The following CCDC181 variants were observed in gnomAD, a reference collection of about 807,000 sequenced individuals.
CCDC181 encodes coiled-coil domain-containing protein 181.
Under a neutral mutation model 58.7 loss-of-function variants are expected in CCDC181, and 35 were observed. The observed-to-expected ratio is 0.60, with a 90% CI of 0.46 to 0.79. The LOEUF is 0.79. CCDC181 is among the 30% of genes least tolerant of loss of function. The pLI is 0.00. For missense variants in CCDC181, 517 were observed against 583.9 expected (o/e 0.89, Z 1.18); for synonymous variants, 183 against 197.5 (o/e 0.93, Z 0.62).
In CCDC181 at chr1:169,397,388, CCTG is replaced by C; in HGVS notation, c.1216_1218del (p.Gln406del). On this transcript the variant is annotated inframe_deletion and splice_region_variant, in exon 5 of 6. Coordinates refer to ENST00000367806, the MANE Select transcript of CCDC181 (RefSeq NM_001300969.2). ...AAAGCTTGTTGTGGATCTCTGTTTT[CCTG>C]CTGATTAGAAAAACAAGCTTTACTT... is the stretch of plus-strand genomic sequence containing the variant. 22 of 1,595,670 alleles carry C rather than the reference CCTG, an allele frequency of 1.4e-5. No homozygotes were observed. The highest frequency in any genetic ancestry group is 1.8e-5 in the Non-Finnish European group (21 of 1,172,638).
At chr1:169,403,672 G>A (rs925363224) in intron 4 of CCDC181, among the ~76,000 whole-genome samples, 1 of 152,320 alleles carries the variant, frequency 6.6e-6, no homozygotes, top group South Asian at 2.1e-4. Flanking sequence ...TGTGTAGAGT[G>A]AAATTTATAG....
chr1:169,433,382 A>G (rs944559708), intron 2 of CCDC181, among the ~76,000 whole-genome samples: 3 of 152,056 alleles, frequency 2.0e-5, no homozygotes, highest in Non-Finnish European at 4.4e-5. Flanking sequence ...CAAAGTAGAT[A>G]TGCAGATTCA....
chr1:169,397,218 T>C lies in CCDC181; in HGVS notation c.1370+19A>G, dbSNP rs1471376230. 6.6e-7 allele frequency: 1 copy of C among 1,509,686 alleles called. No individual in the cohort carries two copies. The highest frequency in any genetic ancestry group is 1.4e-5 in the South Asian group (1 of 73,340). The allele number at this position is 1,509,686 out of a possible 1,614,324, so 93.5% of individuals were successfully genotyped here. ...ACATGAGGAAGGAGGAGGGGGGAAA[T>C]GCCCTGCCTTTAACTTACTGTTTAA... is the stretch of plus-strand genomic sequence containing the variant. On this transcript the variant is annotated intron_variant, in intron 5 of 5. Transcript: ENST00000367806.
chr1:169,459,674 A>G (rs1276562048), intron 2 of CCDC181: 1 of 152,126 alleles, frequency 6.6e-6, no homozygotes, highest in African/African-American at 2.4e-5. Flanking sequence ...GGTTACTTGG[A>G]TAATTTCCCA....
intron 2 of CCDC181, among the ~76,000 whole-genome samples, chr1:169,435,570 A>G (rs1221054043): frequency 1.3e-5 from 2 of 152,180 alleles, no homozygotes; most frequent in Non-Finnish European, 1.5e-5. Context: ...TTCCCCATCA[A>G]TAACATAGAG....
chr1:169,449,081 C>G (rs569490795), intron 2 of CCDC181, among the ~76,000 whole-genome samples: 5 of 152,174 alleles, frequency 3.3e-5, no homozygotes, highest in Admixed American at 1.3e-4. Flanking sequence ...TATTTTTCCA[C>G]TAGAACCCTT....
intron 4 of CCDC181, among the ~76,000 whole-genome samples, chr1:169,404,386 A>T (rs190240589): frequency 6.6e-6 from 1 of 152,340 alleles, no homozygotes; most frequent in African/African-American, 2.4e-5. Context: ...AATACCCCTG[A>T]TGAACATTGA....
At position 169,419,152 on chromosome 1, in the gene CCDC181, C is replaced by T. The variant is rs116520840; in HGVS notation, c.1076G>A (p.Arg359Gln). 4.1e-4 allele frequency: 656 copies of T among 1,593,704 alleles called. 4 individuals carry two copies. In the African/African-American group the frequency reaches 7.3e-3, roughly 18 times the overall value. The change falls in exon 4 of 6, where the codon CGA becomes CAA. Residue 359 changes from arginine (R) to glutamine (Q), a missense_variant. Physicochemically the swap from Arg to Gln is conservative, Grantham distance 43. Coordinates refer to ENST00000367806, the MANE Select transcript of CCDC181 (RefSeq NM_001300969.2). Reference sequence around the variant, plus strand: ...TTCTTTCTCTTCTTCTATTTTTCGTCGCTCTTCCTAGTAAAAGAATATGAA... The same window carrying T: ...TTCTTTCTCTTCTTCTATTTTTCGTTGCTCTTCCTAGTAAAAGAATATGAA... Reference protein sequence around the residue: ...KREKLKREEERRKIEEEKEKK... With the variant: ...KREKLKREEEQRKIEEEKEKK...
chr1:169,426,644 A>G (rs570736200), intron 1 of CCDC181, among the ~76,000 whole-genome samples: 2 of 152,218 alleles, frequency 1.3e-5, no homozygotes, highest in Non-Finnish European at 2.9e-5. Context: ...ATTGGGTCCC[A>G]TCTTACAGCG....
At chr1:169,426,266 C>A (rs1476521243) in intron 1 of CCDC181, among the ~76,000 whole-genome samples, 2 of 152,188 alleles carry the variant, frequency 1.3e-5, no homozygotes, top group Non-Finnish European at 2.9e-5. Flanking sequence ...CCCTTCAATT[C>A]TTTTAATCTT....
In CCDC181 at chr1:169,409,500, C is replaced by G. The variant is rs112208583; in HGVS notation, c.1215+9513G>C. Among the ~76,000 whole-genome samples the G allele has an allele frequency of 2.0e-3, 310 of 152,238 alleles. 2 individuals are homozygous for G. The highest frequency in any genetic ancestry group is 7.0e-3 in the African/African-American group (292 of 41,534). ...TACCCAGGAGAACTTCCCCAACCTA[C>G]CAAGGCAGGCAAACATTCAAATTTA... is the stretch of plus-strand genomic sequence containing the variant. On this transcript the variant is annotated intron_variant, in intron 4 of 5. Transcript: ENST00000367806.
chr1:169,436,744 C>T (rs1657064671), intron 2 of CCDC181, among the ~76,000 whole-genome samples: 1 of 152,162 alleles, frequency 6.6e-6, no homozygotes, highest in South Asian at 2.1e-4. Flanking sequence ...AGGCAGAGCA[C>T]TATTAGTTTT....
At chr1:169,413,924 C>T (rs1250779875) in intron 4 of CCDC181, among the ~76,000 whole-genome samples, 1 of 151,880 alleles carries the variant, frequency 6.6e-6, no homozygotes, top group African/African-American at 2.4e-5. Flanking sequence ...ATGTAGATGA[C>T]GGGTTGATGG....
intron 2 of CCDC181, among the ~76,000 whole-genome samples, chr1:169,432,935 A>G (rs1200605538): frequency 2.0e-5 from 3 of 152,078 alleles, no homozygotes; most frequent in Non-Finnish European, 4.4e-5. Flanking sequence ...CAGGTATAAG[A>G]TGAGGATGCT....
intron 2 of CCDC181, among the ~76,000 whole-genome samples, chr1:169,436,248 A>G (rs1657051037): frequency 7.0e-6 from 1 of 143,648 alleles, no homozygotes; most frequent in Non-Finnish European, 1.5e-5. Flanking sequence ...TAAAGAACTC[A>G]CAGCTCAGCA....
rs531178506 is a variant in CCDC181, at chr1:169,409,870, A to G, written c.1215+9143T>C. Among the ~76,000 whole-genome samples the G allele has an allele frequency of 2.6e-4, 40 of 152,336 alleles. 1 individual carries two copies. Among genetic ancestry groups the G allele is most frequent in the African/African-American group, 9.1e-4 (38 of 41,566 alleles). On this transcript the variant is annotated intron_variant, in intron 4 of 5. Transcript: ENST00000367806. ...TTGTCACCACCAGGCCTGCCTTACA[A>G]GAGCTCCTGAAGGAAGGACTAAATA...
intron 2 of CCDC181, chr1:169,451,188 G>C (rs1265891352): frequency 6.6e-6 from 1 of 151,956 alleles, no homozygotes; most frequent in Non-Finnish European, 1.5e-5. Flanking sequence ...CCTAGGATCT[G>C]TCTCATCCTC....
chr1:169,419,472 CA>C (rs1656369702), intron 3 of CCDC181, among the ~76,000 whole-genome samples: 1 of 152,116 alleles, frequency 6.6e-6, no homozygotes, highest in African/African-American at 2.4e-5. Flanking sequence ...AAATTTTCTT[CA>C]AATAATGGAA....
At chr1:169,397,064 T>TAA (rs1469221561) in intron 5 of CCDC181, among the ~76,000 whole-genome samples, 173 bp downstream of exon 5, 1 of 150,684 alleles carries the variant, frequency 6.6e-6, no homozygotes, top group African/African-American at 2.4e-5. Context: ...ATAATATATA[T>TAA]AATAGAGTTA....
Sources: gnomAD v4.1 joint callset for allele counts (sites outside exome capture counted in the v4.1 genomes callset) on GRCh38, gnomAD v4.1.1 for gene constraint, MANE v1.5 for transcripts, NCBI Gene and HGNC (gene_info 2026-07-23, HGNC 2026-07-21) for gene names.